KCNK10: variants seen among roughly 807,000 people sequenced by gnomAD.
The protein encoded by KCNK10 is potassium two pore domain channel subfamily K member 10.
KCNK10 carries 25 observed loss-of-function variants against 47.7 expected under a neutral mutation model. That is an observed-to-expected ratio of 0.52 (90% CI 0.38 to 0.73). The LOEUF (loss-of-function observed/expected upper bound fraction) is 0.73. KCNK10 is among the 30% of genes least tolerant of loss of function. The pLI, the probability that KCNK10 is intolerant of heterozygous loss-of-function variation, is 0.00. For synonymous variants in KCNK10, 303 were observed against 285.6 expected (o/e 1.06, Z -0.61); for missense variants, 563 against 714.5 (o/e 0.79, Z 2.42).
At chr14:88,324,300 A>G (rs1888618049), upstream of KCNK10, among the ~76,000 whole-genome samples, 1 of 152,204 alleles carries the variant, frequency 6.6e-6, no homozygotes, top group Non-Finnish European at 1.5e-5. Context: ...CAGAAAAGCC[A>G]GGTGGTGCTG....
At chr14:88,325,867 C>A (rs1888649854), upstream of KCNK10, among the ~76,000 whole-genome samples, 3 of 152,174 alleles carry the variant, frequency 2.0e-5, no homozygotes, top group Admixed American at 2.0e-4. Context: ...GGTTGCAGGT[C>A]CCCATTAAAA....
At chr14:88,285,863 TC>T (rs1490042253) in intron 1 of KCNK10, among the ~76,000 whole-genome samples, 1 of 152,060 alleles carries the variant, frequency 6.6e-6, no homozygotes, top group African/African-American at 2.4e-5. Flanking sequence ...ACTTTAATAT[TC>T]CCCCCGTGAG....
At chr14:88,230,564 T>A (rs1261241972) in intron 3 of KCNK10, among the ~76,000 whole-genome samples, 1 of 152,172 alleles carries the variant, frequency 6.6e-6, no homozygotes, top group East Asian at 1.9e-4. Context: ...CAGCCCTACT[T>A]GTTTAGTTGA....
At chr14:88,236,194 G>A (rs1886295829) in intron 3 of KCNK10, among the ~76,000 whole-genome samples, 1 of 152,102 alleles carries the variant, frequency 6.6e-6, no homozygotes, top group South Asian at 2.1e-4. Flanking sequence ...GTATGCGCCT[G>A]TAGTCCCAGC....
At chr14:88,205,765 A>G (rs2139844524) in intron 4 of KCNK10, among the ~76,000 whole-genome samples, 1 of 151,938 alleles carries the variant, frequency 6.6e-6, no homozygotes, top group East Asian at 1.9e-4. Flanking sequence ...GATGGTCTCA[A>G]TCTCTTGACC....
Position 88,309,274 on chromosome 14 carries a change from C to T in KCNK10, c.52+13473G>A, listed in dbSNP as rs903895595. ...TCTAGTAGAGCCTACTGCTCTTTCT[C>T]GATTCTTTTTCCCATAGGAGGGAGA... On this transcript the variant is annotated intron_variant, in intron 1 of 6. Transcript: ENST00000319231. Among the ~76,000 whole-genome samples the T allele has an allele frequency of 2.0e-4, 30 of 152,208 alleles. 1 individual carries two copies. Among genetic ancestry groups the T allele is most frequent in the Non-Finnish European group, 7.3e-5 (5 of 68,042 alleles).
chr14:88,221,344 C>A (rs1243641068), intron 4 of KCNK10, among the ~76,000 whole-genome samples: 2 of 140,880 alleles, frequency 1.4e-5, no homozygotes, highest in Admixed American at 6.9e-5. Flanking sequence ...ACACATTATA[C>A]ATTAAATCTC....
chr14:88,236,552 C>A (rs1295683365), intron 3 of KCNK10, among the ~76,000 whole-genome samples: 4 of 152,126 alleles, frequency 2.6e-5, no homozygotes, highest in African/African-American at 7.2e-5. Flanking sequence ...AACTATAGAG[C>A]TACGACTAAA....
chr14:88,244,205 G>T (rs187537660), intron 2 of KCNK10, among the ~76,000 whole-genome samples: 774 of 152,076 alleles, frequency 5.1e-3, no homozygotes, highest in Non-Finnish European at 9.2e-3. Flanking sequence ...CAGCAAACTC[G>T]GGTTATAACT....
At chr14:88,254,818 C>A (rs370213238) in intron 2 of KCNK10, among the ~76,000 whole-genome samples, 2 of 152,162 alleles carry the variant, frequency 1.3e-5, no homozygotes, top group African/African-American at 4.8e-5. Flanking sequence ...TATTCTACTG[C>A]CAAAGAAATG....
chr14:88,229,426 T>C (rs1013025305), intron 3 of KCNK10, among the ~76,000 whole-genome samples: 1 of 151,936 alleles, frequency 6.6e-6, no homozygotes, highest in African/African-American at 2.4e-5. Flanking sequence ...TCAAGGAAAA[T>C]GCAGGGAGAA....
chr14:88,301,753 C>T (rs537358216), intron 1 of KCNK10, among the ~76,000 whole-genome samples: 2 of 152,198 alleles, frequency 1.3e-5, no homozygotes, highest in African/African-American at 2.4e-5. Context: ...AGGAAGACGG[C>T]TCAAGACCAG....
chr14:88,230,696 T>C (rs1384462986), intron 3 of KCNK10, among the ~76,000 whole-genome samples: 2 of 152,112 alleles, frequency 1.3e-5, no homozygotes, highest in African/African-American at 4.8e-5. Context: ...GGTTTAATGC[T>C]CTAAGGGACC....
intron 2 of KCNK10, among the ~76,000 whole-genome samples, chr14:88,249,282 G>A (rs1311171957): frequency 1.3e-5 from 2 of 152,204 alleles, no homozygotes; most frequent in Admixed American, 1.3e-4. Context: ...CCAATATAAA[G>A]TGACAAGCTA....
At chr14:88,317,540 G>A (rs915874554) in intron 1 of KCNK10, among the ~76,000 whole-genome samples, 3 of 152,206 alleles carry the variant, frequency 2.0e-5, no homozygotes, top group Non-Finnish European at 4.4e-5. Context: ...GGGTAACAAA[G>A]AGCAGGAGAG....
At chr14:88,235,688 G>C (rs538655991) in intron 3 of KCNK10, among the ~76,000 whole-genome samples, 3 of 152,022 alleles carry the variant, frequency 2.0e-5, no homozygotes, top group Non-Finnish European at 2.9e-5. Flanking sequence ...ATGAAAACTA[G>C]ATTTTAAGAG....
intron 3 of KCNK10, among the ~76,000 whole-genome samples, chr14:88,238,831 A>T (rs1347061057): frequency 1.3e-5 from 2 of 152,150 alleles, no homozygotes; most frequent in African/African-American, 4.8e-5. Flanking sequence ...CATGCAACTG[A>T]CTCTTCCTTT....
chr14:88,194,481 A>G (rs1044246415), intron 4 of KCNK10, among the ~76,000 whole-genome samples: 1 of 152,242 alleles, frequency 6.6e-6, no homozygotes, highest in Non-Finnish European at 1.5e-5. Context: ...TAGTGAAGTT[A>G]AAGTGAATTA....
chr14:88,283,147 A>G (rs1250909933), intron 1 of KCNK10, among the ~76,000 whole-genome samples: 1 of 152,224 alleles, frequency 6.6e-6, no homozygotes, highest in Non-Finnish European at 1.5e-5. Flanking sequence ...GTTTTTTTAA[A>G]TCACTTTCCA....
Sources: allele counts gnomAD v4.1 joint callset (sites outside exome capture counted in the v4.1 genomes callset), GRCh38; gene constraint gnomAD v4.1.1; transcripts MANE v1.5; gene names NCBI Gene and HGNC (gene_info 2026-07-23, HGNC 2026-07-21).